SORCS3: variants seen among roughly 807,000 people sequenced by gnomAD.
SORCS3 encodes sortilin related VPS10 domain containing receptor 3.
Under a neutral mutation model 146.3 loss-of-function variants are expected in SORCS3, and 57 were observed. The ratio of observed to expected loss-of-function variants is 0.39; its 90% CI spans 0.31 to 0.49. The LOEUF (loss-of-function observed/expected upper bound fraction) is 0.49, where lower values mean the gene tolerates loss of function less well. Among genes scored for constraint, SORCS3 ranks in the 20% least tolerant of loss-of-function variants. The probability of loss-of-function intolerance (pLI) is 0.92; values close to 1 mark genes in which losing one functional copy is unlikely to be tolerated. For synonymous variants in SORCS3, 653 were observed against 618.5 expected, an observed-to-expected ratio of 1.06 and a Z score of -0.83; for missense variants, 1,341 against 1,575.5, an observed-to-expected ratio of 0.85 and a Z score of 2.52.
chr10:105,050,561 CA>C lies in SORCS3; in HGVS notation c.1028+7435del, dbSNP rs1418355327. 2.6e-5 allele frequency among the ~76,000 whole-genome samples: 4 copies of C among 152,222 alleles called. 1 individual carries two copies. In the South Asian group the frequency reaches 8.3e-4, roughly 32 times the overall value. ...GTTCAAAAGCAGATCCTTCTCCAGTCAAGCCTTCATATGAGACTTCAGCCCT... is the reference window on the plus strand; with the variant it reads ...GTTCAAAAGCAGATCCTTCTCCAGTCAGCCTTCATATGAGACTTCAGCCCT... On this transcript the variant is annotated intron_variant, in intron 5 of 26. Coordinates refer to ENST00000369701, the MANE Select transcript of SORCS3 (RefSeq NM_014978.3).
intron 6 of SORCS3, among the ~76,000 whole-genome samples, chr10:105,101,475 T>C (rs2055784663): frequency 1.3e-5 from 2 of 152,254 alleles, no homozygotes; most frequent in Non-Finnish European, 1.5e-5. Context: ...TGAGTCCAGC[T>C]AAGACGGCAA....
chr10:104,849,400 A>C (rs1288891133), intron 2 of SORCS3, among the ~76,000 whole-genome samples: 1 of 125,612 alleles, frequency 8.0e-6, no homozygotes, highest in African/African-American at 3.2e-5. Context: ...CAACAGAGCG[A>C]GACTCCATCT....
intron 1 of SORCS3, among the ~76,000 whole-genome samples, chr10:104,798,197 A>G (rs150680675): frequency 6.6e-6 from 1 of 152,274 alleles, no homozygotes; most frequent in East Asian, 1.9e-4. Flanking sequence ...TGGGAGCTCT[A>G]AGGTACAGCT....
At chr10:105,039,283 T>TA (rs2055324152) in intron 4 of SORCS3, among the ~76,000 whole-genome samples, 1 of 152,106 alleles carries the variant, frequency 6.6e-6, no homozygotes, top group Non-Finnish European at 1.5e-5. Flanking sequence ...CCTTAATGAA[T>TA]AGGAGCCTGC....
intron 2 of SORCS3, among the ~76,000 whole-genome samples, chr10:104,896,103 T>C (rs11819331): frequency 5.0e-4 from 76 of 152,336 alleles, no homozygotes; most frequent in African/African-American, 1.7e-3. Context: ...TTGTTTTTTA[T>C]TACTGCCATT....
chr10:105,188,368 AG>A (rs1460256011), intron 14 of SORCS3, among the ~76,000 whole-genome samples: 1 of 152,310 alleles, frequency 6.6e-6, no homozygotes, highest in African/African-American at 2.4e-5. Context: ...AGATAATGAA[AG>A]GGAGGGGCTG....
At chr10:104,967,055 G>A (rs1212957511) in intron 3 of SORCS3, among the ~76,000 whole-genome samples, 2 of 150,520 alleles carry the variant, frequency 1.3e-5, no homozygotes, top group South Asian at 2.1e-4. Context: ...CATTTACAGT[G>A]AATGGCTAAA....
intron 1 of SORCS3, among the ~76,000 whole-genome samples, chr10:104,695,327 T>C (rs2016161483): frequency 6.6e-6 from 1 of 151,506 alleles, no homozygotes; most frequent in Non-Finnish European, 1.5e-5. Context: ...GATGTATTGG[T>C]GGTTTGTTAT....
intron 5 of SORCS3, among the ~76,000 whole-genome samples, chr10:105,045,373 A>G (rs1389781443): frequency 6.6e-6 from 1 of 152,146 alleles, no homozygotes; most frequent in Non-Finnish European, 1.5e-5. Context: ...CCAAGGGGAA[A>G]TATAACAGTT....
intron 1 of SORCS3, among the ~76,000 whole-genome samples, chr10:104,835,262 TCCTGCAGG>T (rs1040953085): frequency 6.6e-6 from 1 of 152,148 alleles, no homozygotes; most frequent in Admixed American, 6.5e-5. Context: ...TAAAATACAC[TCCTGCAGG>T]CAGTCCCCGA....
intron 2 of SORCS3, among the ~76,000 whole-genome samples, chr10:104,895,086 CAG>C (rs2018785922): frequency 6.6e-6 from 1 of 152,168 alleles, no homozygotes; most frequent in South Asian, 2.1e-4. Flanking sequence ...TGTGGACACT[CAG>C]GGGATGGTGG....
intron 3 of SORCS3, among the ~76,000 whole-genome samples, 155 bp from the exon 4 acceptor site, chr10:104,977,180 G>A (rs973522296): frequency 2.0e-5 from 3 of 152,092 alleles, no homozygotes; most frequent in African/African-American, 7.2e-5. Flanking sequence ...GACTAAATCA[G>A]GAGAAAAGTT....
chr10:105,087,595 T>C lies in SORCS3; in HGVS notation c.1029-2180T>C, dbSNP rs185566100. Among the ~76,000 whole-genome samples, 10 of 152,288 alleles carry C rather than the reference T, an allele frequency of 6.6e-5. No homozygotes were observed. In the South Asian group the frequency reaches 1.0e-3, roughly 16 times the overall value. On this transcript the variant is annotated intron_variant, in intron 5 of 26. Coordinates refer to ENST00000369701, the MANE Select transcript of SORCS3 (RefSeq NM_014978.3). ...CTCTGCGTGTCTGGCCTCAAGTGTT[T>C]TACATTGAAATTTTGGCATTAACAC...
At chr10:105,002,356 C>T (rs1011080826) in intron 4 of SORCS3, among the ~76,000 whole-genome samples, 9 of 152,144 alleles carry the variant, frequency 5.9e-5, no homozygotes, top group African/African-American at 1.9e-4. Flanking sequence ...GGTTCATTTT[C>T]ACAGAATAAC....
chr10:105,120,583 G>T (rs1427356498), intron 7 of SORCS3, among the ~76,000 whole-genome samples: 6 of 152,100 alleles, frequency 3.9e-5, no homozygotes, highest in Non-Finnish European at 8.8e-5. Context: ...ACTCTACTGT[G>T]CATGCCCCTT....
intron 16 of SORCS3, among the ~76,000 whole-genome samples, chr10:105,208,600 A>G (rs2119634135): frequency 6.6e-6 from 1 of 150,494 alleles, no homozygotes; most frequent in South Asian, 2.1e-4. Context: ...AAGCACCTCA[A>G]TAGCATGGAC....
intron 8 of SORCS3, among the ~76,000 whole-genome samples, chr10:105,143,244 AG>A (rs2056107712): frequency 6.6e-6 from 1 of 152,064 alleles, no homozygotes; most frequent in Admixed American, 6.6e-5. Flanking sequence ...TCCCTTTGGT[AG>A]TTTTTTTTTA....
intron 1 of SORCS3, among the ~76,000 whole-genome samples, chr10:104,657,320 T>A (rs1002805725): frequency 6.6e-6 from 1 of 152,182 alleles, no homozygotes; most frequent in African/African-American, 2.4e-5. Context: ...AGTGATTGAT[T>A]GTTGTGAGAA....
chr10:105,055,394 GA>G (rs2055439495), intron 5 of SORCS3, among the ~76,000 whole-genome samples: 1 of 152,260 alleles, frequency 6.6e-6, no homozygotes, highest in East Asian at 1.9e-4. Flanking sequence ...CACCTGCGGG[GA>G]TATTTGGGAT....
Sources: allele counts gnomAD v4.1 joint callset (sites outside exome capture counted in the v4.1 genomes callset), GRCh38; gene constraint gnomAD v4.1.1; transcripts MANE v1.5; gene names NCBI Gene and HGNC (gene_info 2026-07-23, HGNC 2026-07-21).